Variants in DIAPH2 observed in about 807,000 individuals in gnomAD.
DIAPH2 encodes diaphanous related formin 2, also known as protein diaphanous homolog 2.
In DIAPH2, 35 loss-of-function variants were observed where a neutral mutation model predicts 92.7. The observed-to-expected ratio is 0.38, with a 90% confidence interval of 0.29 to 0.50. DIAPH2 has a LOEUF of 0.50. DIAPH2 is among the 20% of genes least tolerant of loss of function. The pLI, the probability that DIAPH2 is intolerant of heterozygous loss-of-function variation, is 0.94. For missense variants in DIAPH2, 701 were observed against 819.5 expected, an observed-to-expected ratio of 0.86 and a Z score of 1.77; for synonymous variants, 301 against 280.4, an observed-to-expected ratio of 1.07 and a Z score of -0.73.
rs775295379 is a variant in DIAPH2 at position 97,056,975 on chromosome X, A to G, written c.2051-15966A>G. On this transcript the variant is annotated intron_variant, in intron 17 of 26. Transcript: ENST00000324765. ...GAGCCGAAGCTTTTGTATGGTAAAA[A>G]TGGGATCCTATCTTGAAGAGTTATT... Among the ~76,000 whole-genome samples the G allele has an allele frequency of 1.6e-3, 181 of 112,056 alleles. 1 individual carries two copies. Among genetic ancestry groups the G allele is most frequent in the Admixed American group, 1.8e-3 (19 of 10,598 alleles).
intron 22 of DIAPH2, among the ~76,000 whole-genome samples, chrX:97,178,448 T>C (rs1470533263): frequency 5.2e-5 from 4 of 76,762 alleles, no homozygotes; most frequent in Non-Finnish European, 1.0e-4. Flanking sequence ...TTTCTCTTTT[T>C]TTTTTTTTTT....
intron 21 of DIAPH2, among the ~76,000 whole-genome samples, chrX:97,119,723 G>A (rs745791109): frequency 9.0e-6 from 1 of 111,626 alleles, no homozygotes; most frequent in Non-Finnish European, 1.9e-5. Flanking sequence ...GGTGGGTCTT[G>A]TTGCGGCTGC....
chrX:97,052,410 G>A (rs2066526757), intron 17 of DIAPH2, among the ~76,000 whole-genome samples: 1 of 111,026 alleles, frequency 9.0e-6, no homozygotes, highest in South Asian at 3.8e-4. Context: ...GGGGGAAGCA[G>A]GGGTACCTTT....
intron 17 of DIAPH2, among the ~76,000 whole-genome samples, chrX:96,984,857 T>C (rs1423040736): frequency 8.9e-6 from 1 of 111,817 alleles, no homozygotes; most frequent in Non-Finnish European, 1.9e-5. Flanking sequence ...TGTTATATAC[T>C]GTACATTCTT....
chrX:97,206,584 AG>A (rs1244882088), intron 22 of DIAPH2, among the ~76,000 whole-genome samples: 1 of 111,843 alleles, frequency 8.9e-6, no homozygotes, highest in African/African-American at 3.3e-5. Flanking sequence ...ACATATATAG[AG>A]GCATACATAA....
At chrX:96,968,106 G>T (rs1338002180) in intron 17 of DIAPH2, among the ~76,000 whole-genome samples, 2 of 110,460 alleles carry the variant, frequency 1.8e-5, no homozygotes, top group Non-Finnish European at 3.8e-5. Context: ...GCTGATTCGT[G>T]TGAGATGGTA....
chrX:97,477,812 A>G (rs1602616847), intron 26 of DIAPH2, among the ~76,000 whole-genome samples: 1 of 111,777 alleles, frequency 8.9e-6, no homozygotes, highest in East Asian at 2.8e-4. Context: ...GTGAAATTAT[A>G]TTTCCCTATA....
intron 11 of DIAPH2, among the ~76,000 whole-genome samples, chrX:96,938,575 G>C (rs1441864117): frequency 3.6e-5 from 4 of 111,203 alleles, no homozygotes; most frequent in African/African-American, 1.3e-4. Flanking sequence ...GTTATTTTAG[G>C]ATATTGAATT....
intron 4 of DIAPH2, among the ~76,000 whole-genome samples, chrX:96,809,585 G>T (rs1433700841): frequency 9.2e-6 from 1 of 108,690 alleles, no homozygotes; most frequent in Non-Finnish European, 1.9e-5. Flanking sequence ...TGTTACACAG[G>T]TATACATGTG....
chrX:97,494,119 G>GTA (rs765369896), intron 26 of DIAPH2, among the ~76,000 whole-genome samples: 1 of 16,860 alleles, frequency 5.9e-5, no homozygotes, highest in Admixed American at 1.1e-3. Flanking sequence ...TTATATATAT[G>GTA]TATATATTTG....
At chrX:97,273,201 T>C (rs1040860035) in intron 23 of DIAPH2, among the ~76,000 whole-genome samples, 1 of 112,083 alleles carries the variant, frequency 8.9e-6, no homozygotes, top group East Asian at 2.8e-4. Flanking sequence ...TTGTCAACAA[T>C]ATAATGGCTA....
intron 1 of DIAPH2, among the ~76,000 whole-genome samples, chrX:96,716,694 T>G (rs1005285530): frequency 9.0e-6 from 1 of 111,209 alleles, no homozygotes; most frequent in Non-Finnish European, 1.9e-5. Flanking sequence ...TCTGGAAGAG[T>G]TGCCGTAGAA....
rs2067590829 is a variant in DIAPH2 at position 97,185,474 on chromosome X, C to CACAT, written c.2719+43681_2719+43682insCATA. Among the ~76,000 whole-genome samples, 12 of 10,502 alleles carry CACAT rather than the reference C, an allele frequency of 1.1e-3. 1 individual carries two copies. The highest frequency in any genetic ancestry group is 3.9e-3 in the African/African-American group (12 of 3,100). The allele number at this position is 10,502 out of a possible 115,157, so 9.1% of individuals were successfully genotyped here. On this transcript the variant is annotated intron_variant, in intron 22 of 26. Coordinates refer to ENST00000324765, the MANE Select transcript of DIAPH2 (RefSeq NM_006729.5). Reference sequence around the variant, plus strand: ...GTGTGTGTATATATATATATATACACATATATATATATATATATATATATA... The same window carrying CACAT: ...GTGTGTGTATATATATATATATACACACATATATATATATATATATATATATATA...
chrX:97,229,927 T>C (rs986693927), intron 22 of DIAPH2, among the ~76,000 whole-genome samples: 15 of 107,127 alleles, frequency 1.4e-4, no homozygotes, highest in Admixed American at 6.2e-4. Flanking sequence ...TTTCAGCTTA[T>C]ATATAATAGC....
At chrX:96,701,511 G>A (rs1357996830) in intron 1 of DIAPH2, 1 of 109,789 alleles carries the variant, frequency 9.1e-6, no homozygotes, top group East Asian at 2.9e-4. Flanking sequence ...TTTTTTTTAA[G>A]ACTAGTCGAG....
chrX:96,990,489 T>C (rs183451490), intron 17 of DIAPH2, among the ~76,000 whole-genome samples: 4 of 112,176 alleles, frequency 3.6e-5, no homozygotes, highest in African/African-American at 9.7e-5. Flanking sequence ...CTGGCTCTTA[T>C]TCTTCATAGC....
intron 17 of DIAPH2, among the ~76,000 whole-genome samples, chrX:97,034,476 C>T (rs1195824035): frequency 1.9e-5 from 2 of 106,797 alleles, no homozygotes; most frequent in East Asian, 2.9e-4. Context: ...TGCAAAATAT[C>T]TTTCCTTGGG....
chrX:97,213,599 C>T (rs770883844), intron 22 of DIAPH2, among the ~76,000 whole-genome samples: 2 of 112,029 alleles, frequency 1.8e-5, no homozygotes, highest in Non-Finnish European at 3.8e-5. Context: ...GTTTGCATCT[C>T]TTAGCAATGT....
intron 22 of DIAPH2, among the ~76,000 whole-genome samples, chrX:97,195,588 G>C (rs931659440): frequency 2.8e-5 from 3 of 108,036 alleles, no homozygotes; most frequent in Non-Finnish European, 3.8e-5. Context: ...TTGAACCTGG[G>C]GGGTGGAGGT....
Sources: gnomAD v4.1 joint callset for allele counts (sites outside exome capture counted in the v4.1 genomes callset) on GRCh38, gnomAD v4.1.1 for gene constraint, MANE v1.5 for transcripts, NCBI Gene and HGNC (gene_info 2026-07-23, HGNC 2026-07-21) for gene names.